RYR2: variants seen among roughly 807,000 people sequenced by gnomAD.
RYR2 encodes the protein ryanodine receptor 2, also known as cardiac muscle ryanodine receptor-calcium release channel.
In RYR2, 227 loss-of-function variants were observed where a neutral mutation model predicts 601.1. The observed-to-expected ratio is 0.38, with a 90% CI of 0.34 to 0.42. The LOEUF (loss-of-function observed/expected upper bound fraction) is 0.42, where lower values mean the gene tolerates loss of function less well. RYR2 is among the 10% of genes least tolerant of loss of function. The pLI, the probability that RYR2 is intolerant of heterozygous loss-of-function variation, is 1.00. For synonymous variants in RYR2, 2,223 were observed against 2,175.1 expected, an observed-to-expected ratio of 1.02 and a Z score of -0.61; for missense variants, 4,646 against 6,156.5, an observed-to-expected ratio of 0.75 and a Z score of 8.21.
At chr1:237,734,381 A>G (rs752383285) in intron 79 of RYR2, among the ~76,000 whole-genome samples, 1 of 152,178 alleles carries the variant, frequency 6.6e-6, no homozygotes, top group Non-Finnish European at 1.5e-5. Context: ...TGAGAACAGC[A>G]TGAGGGAAAC....
At chr1:237,358,282 A>AAGT (rs1699471203) in intron 4 of RYR2, among the ~76,000 whole-genome samples, 1 of 152,132 alleles carries the variant, frequency 6.6e-6, no homozygotes, top group Non-Finnish European at 1.5e-5. Flanking sequence ...AAGCTAATTC[A>AAGT]AGTTAACTTG....
intron 1 of RYR2, among the ~76,000 whole-genome samples, chr1:237,133,130 G>A: frequency 6.6e-6 from 1 of 152,148 alleles, no homozygotes; most frequent in East Asian, 1.9e-4. Flanking sequence ...AGGAATTGTA[G>A]GGTTCAGGGG....
At chr1:237,078,682 G>A (rs1428389662) in intron 1 of RYR2, among the ~76,000 whole-genome samples, 8 of 121,346 alleles carry the variant, frequency 6.6e-5, no homozygotes, top group Non-Finnish European at 1.0e-4. Context: ...ATTCACAGCC[G>A]AATTCTACCA....
chr1:237,312,011 G>A (rs989303008), intron 2 of RYR2, among the ~76,000 whole-genome samples: 3 of 152,188 alleles, frequency 2.0e-5, no homozygotes, highest in African/African-American at 7.2e-5. Context: ...TCGGTACTGG[G>A]AGATGGACTA....
intron 2 of RYR2, among the ~76,000 whole-genome samples, chr1:237,289,535 AG>A (rs1305857040): frequency 5.9e-5 from 9 of 152,186 alleles, no homozygotes; most frequent in Non-Finnish European, 1.2e-4. Flanking sequence ...AAGAGGGAAA[AG>A]GACCTTAACA....
chr1:237,061,457 A>G (rs1001794755), intron 1 of RYR2, among the ~76,000 whole-genome samples: 1 of 152,150 alleles, frequency 6.6e-6, no homozygotes, highest in Non-Finnish European at 1.5e-5. Context: ...AGCTAAGACT[A>G]CAAGTGTACA....
chr1:237,139,975 TGAGGTTTGTTCAA>T (rs1673211795), intron 1 of RYR2, among the ~76,000 whole-genome samples: 1 of 152,118 alleles, frequency 6.6e-6, no homozygotes, highest in Non-Finnish European at 1.5e-5. Flanking sequence ...TGCCTGAAAG[TGAGGTTTGTTCAA>T]GAGCTAAACA....
intron 34 of RYR2, among the ~76,000 whole-genome samples, chr1:237,597,198 C>T (rs1675983819): frequency 6.6e-6 from 1 of 151,928 alleles, no homozygotes; most frequent in South Asian, 2.1e-4. Context: ...AAAGTAACTA[C>T]AGCTACAAGT....
chr1:237,450,420 T>G (rs1437994116), intron 14 of RYR2, among the ~76,000 whole-genome samples: 1 of 152,168 alleles, frequency 6.6e-6, no homozygotes, highest in Non-Finnish European at 1.5e-5. Flanking sequence ...CTGAGGCAGC[T>G]GTAGGACTCA....
chr1:237,205,935 G>C (rs761302318), intron 1 of RYR2, among the ~76,000 whole-genome samples: 1 of 152,218 alleles, frequency 6.6e-6, no homozygotes, highest in Non-Finnish European at 1.5e-5. Flanking sequence ...CCCGCGACTG[G>C]CTCAAGAAGA....
intron 73 of RYR2, among the ~76,000 whole-genome samples, chr1:237,719,655 C>G (rs1293310632): frequency 6.6e-6 from 1 of 152,112 alleles, no homozygotes; most frequent in East Asian, 1.9e-4. Context: ...CAACTCAGCT[C>G]CCACCAGGCC....
chr1:237,740,083 A>G (rs1299564065), intron 79 of RYR2, among the ~76,000 whole-genome samples: 1 of 152,222 alleles, frequency 6.6e-6, no homozygotes. Context: ...CAGAAAGCCA[A>G]ATCCTGCTAC....
At chr1:237,346,811 A>G (rs1218589715) in intron 3 of RYR2, among the ~76,000 whole-genome samples, 1 of 152,230 alleles carries the variant, frequency 6.6e-6, no homozygotes, top group Non-Finnish European at 1.5e-5. Flanking sequence ...TTGTGATCTC[A>G]TGCCGTTAAA....
intron 29 of RYR2, among the ~76,000 whole-genome samples, chr1:237,579,497 C>T (rs879903080): frequency 2.0e-5 from 3 of 152,008 alleles, no homozygotes; most frequent in Admixed American, 2.0e-4. Flanking sequence ...TCAGGTGATC[C>T]ACCTGCCTCG....
chr1:237,642,483 AC>A (rs1213233041), intron 47 of RYR2, among the ~76,000 whole-genome samples: 1 of 152,244 alleles, frequency 6.6e-6, no homozygotes, highest in African/African-American at 2.4e-5. Context: ...TCAGAAAAAA[AC>A]ATCAGCGAAA....
intron 38 of RYR2, among the ~76,000 whole-genome samples, chr1:237,619,661 C>A (rs909167676): frequency 6.9e-6 from 1 of 145,168 alleles, no homozygotes; most frequent in Admixed American, 6.7e-5. Flanking sequence ...AAATCTTTAC[C>A]GAGACACATC....
At chr1:237,422,554 A>T (rs1385444591) in intron 11 of RYR2, among the ~76,000 whole-genome samples, 2 of 152,204 alleles carry the variant, frequency 1.3e-5, no homozygotes, top group African/African-American at 4.8e-5. Flanking sequence ...AATGTAAAGT[A>T]TAAGAATACA....
intron 67 of RYR2, among the ~76,000 whole-genome samples, chr1:237,706,178 G>T (rs1688359130): frequency 6.6e-6 from 1 of 152,212 alleles, no homozygotes; most frequent in African/African-American, 2.4e-5. Context: ...GAACTGGGGA[G>T]GCAGAGTTTG....
At chr1:237,668,276 C>T (rs1684500618) in intron 58 of RYR2, among the ~76,000 whole-genome samples, 2 of 152,166 alleles carry the variant, frequency 1.3e-5, no homozygotes, top group African/African-American at 4.8e-5. Flanking sequence ...ACTTAAATAT[C>T]TCCTATCTCA....
Sources: allele counts gnomAD v4.1 joint callset (sites outside exome capture counted in the v4.1 genomes callset), GRCh38; gene constraint gnomAD v4.1.1; transcripts MANE v1.5; gene names NCBI Gene and HGNC (gene_info 2026-07-23, HGNC 2026-07-21).